GPR139: variants seen among roughly 807,000 people sequenced by gnomAD.
The protein encoded by GPR139 is G protein-coupled receptor 139.
Under a neutral mutation model 25.8 loss-of-function variants are expected in GPR139, and 12 were observed. That is an observed-to-expected ratio of 0.47 (90% CI 0.30 to 0.75). The LOEUF is 0.75. Ranked by LOEUF, GPR139 falls within the 30% of genes least tolerant of loss-of-function variation. The pLI is 0.07. For missense variants in GPR139, 380 were observed against 450.2 expected (o/e 0.84, Z 1.41); for synonymous variants, 184 against 179.9 (o/e 1.02, Z -0.18).
intron 1 of GPR139, chr16:20,071,048 A>G (rs1320186985): frequency 1.0e-6 from 1 of 963,046 alleles, no homozygotes; most frequent in African/African-American, 1.8e-5. Context: ...TGCAGTGTCA[A>G]TAAATGAATG....
At chr16:20,046,012 G>A (rs1298067843) in intron 1 of GPR139, among the ~76,000 whole-genome samples, 3 of 152,174 alleles carry the variant, frequency 2.0e-5, no homozygotes, top group East Asian at 1.9e-4. Context: ...GGGTGTCAGA[G>A]GCTAATTGAG....
At chr16:20,064,921 T>A (rs1035536650) in intron 1 of GPR139, among the ~76,000 whole-genome samples, 2 of 152,176 alleles carry the variant, frequency 1.3e-5, no homozygotes, top group South Asian at 4.1e-4. Context: ...ATGTGTGGTA[T>A]TTTTTGGAGC....
intron 1 of GPR139, among the ~76,000 whole-genome samples, chr16:20,045,921 G>A (rs920169490): frequency 1.4e-4 from 22 of 152,190 alleles, no homozygotes; most frequent in African/African-American, 5.1e-4. Context: ...CTGTTTTGTG[G>A]ACACAGGGGT....
intron 1 of GPR139, among the ~76,000 whole-genome samples, chr16:20,058,172 T>A (rs2057397949): frequency 6.6e-6 from 1 of 152,212 alleles, no homozygotes; most frequent in African/African-American, 2.4e-5. Flanking sequence ...CTCATCCTTA[T>A]TTTACGGATA....
intron 1 of GPR139, among the ~76,000 whole-genome samples, chr16:20,059,098 G>A (rs1357051044): frequency 1.3e-5 from 2 of 152,160 alleles, no homozygotes; most frequent in Non-Finnish European, 2.9e-5. Context: ...CCTATTGGGT[G>A]CCAGGCCCTG....
intron 1 of GPR139, among the ~76,000 whole-genome samples, chr16:20,053,281 T>G (rs2141209603): frequency 6.6e-6 from 1 of 152,332 alleles, no homozygotes; most frequent in East Asian, 1.9e-4. Flanking sequence ...CCCACCGGCC[T>G]GCTGGTCTAC....
chr16:20,033,807 G>T (rs1291148051), intron 1 of GPR139, among the ~76,000 whole-genome samples: 4 of 151,906 alleles, frequency 2.6e-5, no homozygotes, highest in African/African-American at 9.7e-5. Context: ...AATAATCTAT[G>T]CTTATATATG....
intron 1 of GPR139, among the ~76,000 whole-genome samples, chr16:20,035,049 C>G (rs909096003): frequency 4.6e-5 from 7 of 152,148 alleles, no homozygotes; most frequent in Non-Finnish European, 8.8e-5. Flanking sequence ...GCATCCTCAT[C>G]TTTAACAGAC....
chr16:20,048,264 T>G (rs145112917), intron 1 of GPR139, among the ~76,000 whole-genome samples: 52 of 152,168 alleles, frequency 3.4e-4, no homozygotes, highest in Non-Finnish European at 6.2e-4. Context: ...GTGGGAGAGA[T>G]CTTTTTGGGA....
At chr16:20,071,932 C>A (rs532454382) in intron 1 of GPR139, among the ~76,000 whole-genome samples, 1 of 152,138 alleles carries the variant, frequency 6.6e-6, no homozygotes, top group Non-Finnish European at 1.5e-5. Flanking sequence ...GTTGGGGGGA[C>A]ATTCTGATGG....
rs61493310 is a variant in GPR139, at chr16:20,030,427, CAT to C, written c.*1306_*1307del. Among the ~76,000 whole-genome samples, 89,932 of 151,856 alleles carry C rather than the reference CAT, an allele frequency of 0.59. 27,618 individuals carry two copies. Among genetic ancestry groups the C allele is most frequent in the Non-Finnish European group, 0.69 (47,006 of 67,914 alleles). ...AAACACTAAATAAGACGAATATAAT[CAT>C]GTGTGTGTGTGTGCTGCACACATAA... is the stretch of plus-strand genomic sequence containing the variant. On this transcript the variant is annotated 3_prime_UTR_variant, in exon 2 of 2. Transcript: ENST00000570682.
In GPR139 at chr16:20,073,561, G is replaced by T; in HGVS notation, c.56C>A (p.Pro19His). The T allele has an allele frequency of 6.2e-7, 1 of 1,612,140 alleles. No homozygotes were observed. Among genetic ancestry groups the T allele is most frequent in the Non-Finnish European group, 8.5e-7 (1 of 1,179,404 alleles). ...GAAACCCAAGCCGCAGGCCGAGCCG[G>T]GGGACCACCAAGACAGCGAGCTGTT... ...AANSSLSWWS[P>H]GSACGLGFVP... The change falls in exon 1 of 2, where the codon CCC becomes CAC. Residue 19 changes from proline (P) to histidine (H), a missense_variant. Transcript: ENST00000570682. The surrounding 1 kb of genome is among the most constrained non-coding windows in gnomAD (Gnocchi z 4.7).
chr16:20,042,742 C>CT (rs2057340540), intron 1 of GPR139, among the ~76,000 whole-genome samples: 1 of 151,638 alleles, frequency 6.6e-6, no homozygotes, highest in East Asian at 1.9e-4. Flanking sequence ...TTTTCTTTTT[C>CT]TTTTTTTAAA....
rs915852039 is a variant in GPR139 at position 20,057,871 on chromosome 16, T to A, written c.127+15619A>T. 1.3e-5 allele frequency among the ~76,000 whole-genome samples: 2 copies of A among 152,314 alleles called. 1 individual carries two copies. On this transcript the variant is annotated intron_variant, in intron 1 of 1. Coordinates refer to ENST00000570682, the MANE Select transcript of GPR139 (RefSeq NM_001002911.4). ...AACTAGTCTAATTTTATTATGATGA[T>A]CAATTTTCCTTTCTACCTAACTAGA...
intron 1 of GPR139, among the ~76,000 whole-genome samples, chr16:20,037,142 C>T (rs74247239): frequency 0.043 from 6,488 of 152,154 alleles, 229 homozygotes; most frequent in East Asian, 0.16. Context: ...AGCGATATTT[C>T]GGTCCAATCA....
chr16:20,056,929 A>G (rs1212472552), intron 1 of GPR139, among the ~76,000 whole-genome samples: 3 of 152,156 alleles, frequency 2.0e-5, no homozygotes, highest in Non-Finnish European at 2.9e-5. Flanking sequence ...GAGGAAATTC[A>G]CCTACCTGTC....
chr16:20,034,785 G>T (rs1436001331), intron 1 of GPR139, among the ~76,000 whole-genome samples: 2 of 152,084 alleles, frequency 1.3e-5, no homozygotes, highest in Non-Finnish European at 2.9e-5. Flanking sequence ...GCCCAGTTTT[G>T]TTGCTACGTG....
intron 1 of GPR139, among the ~76,000 whole-genome samples, chr16:20,050,082 G>A (rs1010643641): frequency 3.9e-5 from 6 of 152,208 alleles, no homozygotes; most frequent in African/African-American, 1.4e-4. Flanking sequence ...CTCTAGCCTG[G>A]CAGAGAAGCC....
chr16:20,041,045 G>A (rs541326955), intron 1 of GPR139, among the ~76,000 whole-genome samples: 7 of 150,062 alleles, frequency 4.7e-5, no homozygotes, highest in African/African-American at 1.7e-4. Context: ...GGGAGGCAGA[G>A]GTTGCAGTGA....
Sources: allele counts gnomAD v4.1 joint callset (sites outside exome capture counted in the v4.1 genomes callset), GRCh38; gene constraint gnomAD v4.1.1; non-coding constraint Gnocchi (gnomAD v3.1); transcripts MANE v1.5; gene names NCBI Gene and HGNC (gene_info 2026-07-23, HGNC 2026-07-21).